LYZL4: variants seen among roughly 807,000 people sequenced by gnomAD.
LYZL4 encodes lysozyme like 4.
In LYZL4, 13 loss-of-function variants were observed where a neutral mutation model predicts 17.6. The observed-to-expected ratio is 0.74, with a 90% CI of 0.48 to 1.18. The LOEUF (loss-of-function observed/expected upper bound fraction) is 1.18, where lower values mean the gene tolerates loss of function less well. Among genes scored for constraint, LYZL4 ranks in the 50% most tolerant of loss-of-function variants. LYZL4 has a pLI of 0.00. For missense variants in LYZL4, 174 were observed against 188.2 expected (o/e 0.92, Z 0.44); for synonymous variants, 64 against 67.7 (o/e 0.95, Z 0.27).
At chr3:42,371,463 GA>G in the LYZL4 span, among the ~76,000 whole-genome samples, 1 of 152,174 alleles carries the variant, frequency 6.6e-6, no homozygotes, top group Non-Finnish European at 1.5e-5. Flanking sequence ...ATCTTTTCTA[GA>G]ATCTGAGTAC....
At chr3:42,379,868 A>G in the LYZL4 span, among the ~76,000 whole-genome samples, 1 of 152,202 alleles carries the variant, frequency 6.6e-6, no homozygotes, top group Non-Finnish European at 1.5e-5. Context: ...AGATTAGCTC[A>G]TGGGGGTAGG....
chr3:42,401,054 A>G (rs1698643324), intron 4 of LYZL4, among the ~76,000 whole-genome samples: 2 of 152,200 alleles, frequency 1.3e-5, no homozygotes, highest in South Asian at 4.1e-4. Flanking sequence ...GTAACAGTGA[A>G]CAGAGACAAG....
intron 4 of LYZL4, among the ~76,000 whole-genome samples, chr3:42,401,385 A>T (rs1405803016): frequency 2.0e-5 from 3 of 147,730 alleles, no homozygotes; most frequent in African/African-American, 7.4e-5. Flanking sequence ...TAATTTTTGC[A>T]TTTTTTTTTT....
the LYZL4 span, among the ~76,000 whole-genome samples, chr3:42,380,640 G>T: frequency 6.6e-6 from 1 of 152,202 alleles, no homozygotes; most frequent in Non-Finnish European, 1.5e-5. Context: ...GTTCCCAGGT[G>T]ATGATGATGA....
chr3:42,388,071 C>T, the LYZL4 span, among the ~76,000 whole-genome samples: 1 of 152,176 alleles, frequency 6.6e-6, no homozygotes, highest in Non-Finnish European at 1.5e-5. Flanking sequence ...CCTTTTCCCC[C>T]CTGTTCATTC....
chr3:42,405,174 G>A (rs1698727299), intron 3 of LYZL4, among the ~76,000 whole-genome samples: 1 of 151,906 alleles, frequency 6.6e-6, no homozygotes, highest in Non-Finnish European at 1.5e-5. Context: ...TCAGCCTCCC[G>A]AGTAGCTGGG....
chr3:42,399,878 C>T (rs918464307), intron 4 of LYZL4, among the ~76,000 whole-genome samples: 1 of 151,580 alleles, frequency 6.6e-6, no homozygotes, highest in African/African-American at 2.4e-5. Flanking sequence ...GAAAAACAAT[C>T]TCTGATTGAA....
At chr3:42,398,449 C>T (rs998662220) in intron 4 of LYZL4, among the ~76,000 whole-genome samples, 1 of 152,078 alleles carries the variant, frequency 6.6e-6, no homozygotes, top group African/African-American at 2.4e-5. Context: ...GAAACTCGGA[C>T]CATATATGAA....
chr3:42,381,982 T>C, the LYZL4 span, among the ~76,000 whole-genome samples: 8 of 152,326 alleles, frequency 5.3e-5, no homozygotes, highest in East Asian at 1.9e-4. Flanking sequence ...GGGATCACAC[T>C]GTATTCCAAC....
chr3:42,390,656 T>C, the LYZL4 span, among the ~76,000 whole-genome samples: 1 of 152,176 alleles, frequency 6.6e-6, no homozygotes, highest in African/African-American at 2.4e-5. Flanking sequence ...CTGGAATATG[T>C]GCCTGCCCTG....
chr3:42,377,456 C>G, the LYZL4 span, among the ~76,000 whole-genome samples: 1 of 152,090 alleles, frequency 6.6e-6, no homozygotes, highest in Non-Finnish European at 1.5e-5. Flanking sequence ...CTCTTCCTTA[C>G]ATGTAGGGAT....
downstream of LYZL4, among the ~76,000 whole-genome samples, chr3:42,394,958 C>A (rs988615381): frequency 4.6e-5 from 7 of 152,164 alleles, no homozygotes; most frequent in Middle Eastern, 3.2e-3. Context: ...CCCTCGGAAG[C>A]AATGTGGGGT....
chr3:42,375,785 C>T, the LYZL4 span, among the ~76,000 whole-genome samples: 2 of 152,296 alleles, frequency 1.3e-5, no homozygotes, highest in South Asian at 2.1e-4. Flanking sequence ...TTTGACTCCC[C>T]CTCTTTATCT....
Position 42,402,136 on chromosome 3 carries a change from T to TAAA in LYZL4, c.371+1907_371+1909dup, listed in dbSNP as rs61260579. Reference sequence around the variant, plus strand: ...TTTATCAAGACACTCTTGAGAAGGTTAAAAAAAAAAAAAAAAAAAAAGAGC... The same window carrying TAAA: ...TTTATCAAGACACTCTTGAGAAGGTTAAAAAAAAAAAAAAAAAAAAAAAAGAGC... On this transcript the variant is annotated intron_variant, in intron 4 of 4. Transcript: ENST00000287748. Among the ~76,000 whole-genome samples the TAAA allele has an allele frequency of 1.7e-4, 21 of 124,048 alleles. 1 individual carries two copies. The highest frequency in any genetic ancestry group is 9.2e-4 in the East Asian group (4 of 4,334). The allele number at this position is 124,048 out of a possible 152,430, so 81.4% of individuals were successfully genotyped here.
chr3:42,385,657 A>C, the LYZL4 span, among the ~76,000 whole-genome samples: 4 of 152,196 alleles, frequency 2.6e-5, no homozygotes, highest in African/African-American at 9.7e-5. Context: ...TGGGGACCAC[A>C]AAGAGCCTGG....
the LYZL4 span, among the ~76,000 whole-genome samples, chr3:42,386,569 T>C: frequency 1.3e-5 from 2 of 152,150 alleles, no homozygotes; most frequent in Admixed American, 6.5e-5. Context: ...GACTAGGACA[T>C]GTATATCTTT....
rs565639489 is a variant in LYZL4 at position 42,406,453 on chromosome 3, CAAAAAAAAAAAAA to C, written c.292+380_292+392del. Among the ~76,000 whole-genome samples, 323 of 84,182 alleles carry C rather than the reference CAAAAAAAAAAAAA, an allele frequency of 3.8e-3. 3 individuals carry two copies. Among genetic ancestry groups the C allele is most frequent in the African/African-American group, 0.012 (276 of 23,932 alleles). The allele number at this position is 84,182 out of a possible 152,430, so 55.2% of individuals were successfully genotyped here. A position where few individuals can be genotyped will look rare whatever the true frequency, so the allele number is the denominator to read the frequency against. Reference sequence around the variant, plus strand: ...TGGGCGACTCAGTGAGACTCCGTCTCAAAAAAAAAAAAAAAAAAAAAAAAAAAGAAAGAAAGAA... The same window carrying C: ...TGGGCGACTCAGTGAGACTCCGTCTCAAAAAAAAAAAAAAGAAAGAAAGAA... On this transcript the variant is annotated intron_variant, in intron 3 of 4. Transcript: ENST00000287748.
chr3:42,366,086 G>A, the LYZL4 span, among the ~76,000 whole-genome samples: 1 of 151,906 alleles, frequency 6.6e-6, no homozygotes, highest in African/African-American at 2.4e-5. Flanking sequence ...AAGGGTAGGG[G>A]AAGGAGACTT....
At chr3:42,403,947 G>C (rs977666869) in intron 4 of LYZL4, 99 bp downstream of exon 4, 1 of 806,444 alleles carries the variant, frequency 1.2e-6, no homozygotes, top group Non-Finnish European at 2.0e-6. Context: ...TTTAGTTTTG[G>C]CACTGCACGT....
Sources: gnomAD v4.1 joint callset for allele counts (sites outside exome capture counted in the v4.1 genomes callset) on GRCh38, gnomAD v4.1.1 for gene constraint, MANE v1.5 for transcripts, NCBI Gene and HGNC (gene_info 2026-07-23, HGNC 2026-07-21) for gene names.